Variants in ITPR2 observed in about 807,000 individuals in gnomAD.
ITPR2 encodes inositol 1,4,5-trisphosphate receptor type 2, also known as inositol 1,4,5-trisphosphate-gated calcium channel ITPR2.
ITPR2 carries 207 observed loss-of-function variants against 317.1 expected under a neutral mutation model. That is an observed-to-expected ratio of 0.65 (90% confidence interval 0.58 to 0.73). The LOEUF is 0.73. Among genes scored for constraint, ITPR2 ranks in the 30% least tolerant of loss-of-function variants. The pLI, the probability that ITPR2 is intolerant of heterozygous loss-of-function variation, is 0.00. For missense variants in ITPR2, 2,613 were observed against 3,284.0 expected, an observed-to-expected ratio of 0.80 and a Z score of 4.99; for synonymous variants, 1,156 against 1,149.1, an observed-to-expected ratio of 1.01 and a Z score of -0.12.
intron 34 of ITPR2, among the ~76,000 whole-genome samples, chr12:26,563,048 A>T (rs1368865002): frequency 6.6e-6 from 1 of 152,214 alleles, no homozygotes; most frequent in African/African-American, 2.4e-5. Flanking sequence ...GGATTAAAAA[A>T]AATAATAACA....
At position 26,700,049 on chromosome 12, in the gene ITPR2, T is replaced by C. The variant is rs143686783; in HGVS notation, c.952-4399A>G. On this transcript the variant is annotated intron_variant, in intron 9 of 56. Transcript: ENST00000381340. ...GGTATTTTAGCAAAGACAAAGAGAA[T>C]ATGGTCCCTGACCATAAGACATTAC... Among the ~76,000 whole-genome samples, 174 of 152,326 alleles carry C rather than the reference T, an allele frequency of 1.1e-3. 2 individuals carry two copies. The highest frequency in any genetic ancestry group is 4.1e-3 in the African/African-American group (169 of 41,584).
chr12:26,402,945 G>T (rs1321438042), intron 52 of ITPR2, among the ~76,000 whole-genome samples: 1 of 152,184 alleles, frequency 6.6e-6, no homozygotes, highest in Non-Finnish European at 1.5e-5. Context: ...GGATGGAAGT[G>T]TCCCATCTGT....
In ITPR2 at chr12:26,630,447, A is replaced by G. The variant is rs10466806; in HGVS notation, c.2934+1419T>C. On this transcript the variant is annotated intron_variant, in intron 22 of 56. Transcript: ENST00000381340. ...AGAGATACACAAAGTGATGGGGGGG[A>G]AAAAAAAAAAGAAGACCCAGGGGGA... 1.0e-3 allele frequency among the ~76,000 whole-genome samples: 121 copies of G among 121,138 alleles called. No homozygotes were observed. The East Asian group carries it at 0.02, about 20-fold the overall frequency. 79.5% of individuals were successfully genotyped at this position (121,138 alleles called of 152,430 possible).
chr12:26,739,799 T>A (rs1949200161), intron 2 of ITPR2, among the ~76,000 whole-genome samples: 1 of 152,236 alleles, frequency 6.6e-6, no homozygotes, highest in African/African-American at 2.4e-5. Flanking sequence ...AAGTTACTAT[T>A]CAATCAAGTT....
intron 2 of ITPR2, among the ~76,000 whole-genome samples, chr12:26,782,407 A>G (rs963940951): frequency 2.0e-5 from 3 of 152,006 alleles, no homozygotes; most frequent in African/African-American, 7.3e-5. Flanking sequence ...AAAAAAAAAA[A>G]GTAAGACTAG....
At chr12:26,741,212 C>T (rs908374414) in intron 2 of ITPR2, among the ~76,000 whole-genome samples, 1 of 152,220 alleles carries the variant, frequency 6.6e-6, no homozygotes, top group African/African-American at 2.4e-5. Context: ...GCTGTCCCTG[C>T]GGCAGAGGTG....
In ITPR2 at chr12:26,436,330, G is replaced by C; in HGVS notation, c.6660C>G (p.Phe2220Leu). The C allele has an allele frequency of 6.2e-7, 1 of 1,612,254 alleles. No individual in the cohort carries two copies. Among genetic ancestry groups the C allele is most frequent in the Non-Finnish European group, 8.5e-7 (1 of 1,179,348 alleles). ...QKKIRNNPAL[F>L]WFSRHISLWG... is the part of the protein sequence containing the mutation. Reference sequence around the variant, plus strand: ...AGAGAGAGATGTGCCTCGAGAACCAGAACAGTGCAGGGTTATCTAGGAAGT... The same window carrying C: ...AGAGAGAGATGTGCCTCGAGAACCACAACAGTGCAGGGTTATCTAGGAAGT... The change falls in exon 48 of 57, where the codon TTC (phenylalanine) becomes TTG (leucine). Residue 2220 changes from phenylalanine to leucine, a missense_variant. Physicochemically the swap from Phe to Leu is conservative, Grantham distance 22. Around this residue, in one of 9 missense-constraint regions of ITPR2, gnomAD observed 926 missense variants for 1,072.8 expected, o/e 0.86. Transcript: ENST00000381340.
intron 9 of ITPR2, among the ~76,000 whole-genome samples, chr12:26,696,239 C>A (rs1470176050): frequency 6.6e-6 from 1 of 152,154 alleles, no homozygotes; most frequent in Non-Finnish European, 1.5e-5. Context: ...CTTGCATCAT[C>A]TGGCTGGTTG....
intron 41 of ITPR2, 99 bp from the exon 42 acceptor site, chr12:26,483,997 T>A: frequency 4.9e-6 from 5 of 1,019,478 alleles, no homozygotes; most frequent in African/African-American, 1.6e-5. Context: ...CTTTTCTTTG[T>A]AAGAAAAGTA....
At chr12:26,638,230 TTTCAATTTGCAAAACTGATC>T (rs1946906289) in intron 21 of ITPR2, among the ~76,000 whole-genome samples, 1 of 152,238 alleles carries the variant, frequency 6.6e-6, no homozygotes, top group East Asian at 1.9e-4. Flanking sequence ...AATCTCAAGA[TTTCAATTTGCAAAACTGATC>T]TTCAATGATT....
At chr12:26,379,113 C>A (rs1001541476) in intron 55 of ITPR2, among the ~76,000 whole-genome samples, 1 of 152,186 alleles carries the variant, frequency 6.6e-6, no homozygotes, top group African/African-American at 2.4e-5. Flanking sequence ...ATGCACCTGG[C>A]ACATTATGGG....
At chr12:26,791,124 T>A (rs1453437120) in intron 1 of ITPR2, among the ~76,000 whole-genome samples, 6 of 152,196 alleles carry the variant, frequency 3.9e-5, no homozygotes, top group African/African-American at 1.2e-4. Flanking sequence ...AAAATATTTA[T>A]GAGAAGACAA....
At chr12:26,636,127 T>C (rs979670466) in intron 21 of ITPR2, among the ~76,000 whole-genome samples, 11 of 152,234 alleles carry the variant, frequency 7.2e-5, no homozygotes, top group African/African-American at 2.7e-4. Context: ...TACAGGGAAC[T>C]TGCTATAACT....
At chr12:26,538,244 TAAC>T (rs1944155356) in intron 37 of ITPR2, among the ~76,000 whole-genome samples, 1 of 152,100 alleles carries the variant, frequency 6.6e-6, no homozygotes, top group East Asian at 1.9e-4. Flanking sequence ...ATTGTTAAAC[TAAC>T]AACAGAGTAA....
intron 1 of ITPR2, among the ~76,000 whole-genome samples, chr12:26,806,942 G>T (rs12372484): frequency 0.18 from 27,864 of 152,104 alleles, 3,030 homozygotes; most frequent in Non-Finnish European, 0.25. Context: ...ATTATACAAA[G>T]AAAATATCCC....
At position 26,790,029 on chromosome 12, in the gene ITPR2, A is replaced by C. The variant is rs187883773; in HGVS notation, c.163+128T>G. 4 of 696,262 alleles carry C rather than the reference A, an allele frequency of 5.7e-6. No individual in the cohort carries two copies. The East Asian group carries it at 1.1e-4, about 19-fold the overall frequency. The allele number at this position is 696,262 out of a possible 1,614,324, so 43.1% of individuals were successfully genotyped here. The stretch of plus-strand genomic sequence containing the variant: ...AAACAATGGAAAAATTGTTGAAAGA[A>C]TTTTCAGTGAACATATTTATATCTG... On this transcript the variant is annotated intron_variant, in intron 2 of 56. Transcript: ENST00000381340.
chr12:26,725,827 C>T (rs1257604953), intron 2 of ITPR2, 62 bp from the exon 3 acceptor site: 1 of 1,109,406 alleles, frequency 9.0e-7, no homozygotes, highest in African/African-American at 1.5e-5. Context: ...TTAGATTTCC[C>T]TTATAGCTCA....
chr12:26,467,958 A>C (rs1226169338), intron 45 of ITPR2, among the ~76,000 whole-genome samples: 2 of 152,200 alleles, frequency 1.3e-5, no homozygotes, highest in Non-Finnish European at 2.9e-5. Context: ...TTTTGTAAAA[A>C]TAAGGCCTCC....
chr12:26,796,908 G>A (rs975055898), intron 1 of ITPR2, among the ~76,000 whole-genome samples: 4 of 151,768 alleles, frequency 2.6e-5, no homozygotes, highest in African/African-American at 9.7e-5. Context: ...ATGGTGGTAC[G>A]CACCTGTAAT....
Sources: allele counts gnomAD v4.1 joint callset (sites outside exome capture counted in the v4.1 genomes callset), GRCh38; gene constraint gnomAD v4.1.1; regional missense constraint gnomAD v4.1.1; transcripts MANE v1.5; gene names NCBI Gene and HGNC (gene_info 2026-07-23, HGNC 2026-07-21).